SPOCK1: variants seen among roughly 807,000 people sequenced by gnomAD.
The protein encoded by SPOCK1 is testican-1.
SPOCK1 carries 23 observed loss-of-function variants against 55.3 expected under a neutral mutation model. The observed-to-expected ratio is 0.42, with a 90% CI of 0.30 to 0.59. The LOEUF (loss-of-function observed/expected upper bound fraction) is 0.59. Among genes scored for constraint, SPOCK1 ranks in the 20% least tolerant of loss-of-function variants. SPOCK1 has a pLI of 0.22. For synonymous variants in SPOCK1, 226 were observed against 221.0 expected (o/e 1.02, Z -0.20); for missense variants, 499 against 552.5 (o/e 0.90, Z 0.97).
chr5:137,105,032 G>T (rs956599008), intron 5 of SPOCK1, among the ~76,000 whole-genome samples: 2 of 152,124 alleles, frequency 1.3e-5, no homozygotes, highest in Non-Finnish European at 2.9e-5. Flanking sequence ...TGGTCTATCT[G>T]CACAAGACTC....
At chr5:137,463,613 C>G (rs1381400597) in intron 2 of SPOCK1, among the ~76,000 whole-genome samples, 8 of 151,990 alleles carry the variant, frequency 5.3e-5, no homozygotes, top group Non-Finnish European at 8.8e-5. Flanking sequence ...GATAGTATAG[C>G]AGGGGGACTA....
intron 2 of SPOCK1, among the ~76,000 whole-genome samples, chr5:137,462,925 A>G (rs1212392461): frequency 6.6e-6 from 1 of 152,150 alleles, no homozygotes; most frequent in Non-Finnish European, 1.5e-5. Context: ...TAGCTTCAAC[A>G]AGTGCTGATA....
intron 9 of SPOCK1, among the ~76,000 whole-genome samples, chr5:136,984,865 TAGC>T (rs1479055059): frequency 9.2e-5 from 14 of 152,320 alleles, no homozygotes; most frequent in Admixed American, 4.6e-4. Flanking sequence ...AGATTTGTTT[TAGC>T]CTAAGATCAG....
At chr5:137,153,844 C>A (rs796373665) in intron 3 of SPOCK1, among the ~76,000 whole-genome samples, 7 of 148,114 alleles carry the variant, frequency 4.7e-5, no homozygotes, top group South Asian at 2.2e-4. Context: ...GGTGACAGAG[C>A]AAGATTCTGT....
intron 2 of SPOCK1, among the ~76,000 whole-genome samples, chr5:137,378,019 A>G (rs1172511692): frequency 7.4e-6 from 1 of 135,146 alleles, no homozygotes; most frequent in Non-Finnish European, 1.5e-5. Context: ...ATGTTGGCTC[A>G]CCGCAACCTC....
chr5:137,025,623 G>A (rs2126982658), intron 6 of SPOCK1, among the ~76,000 whole-genome samples: 1 of 152,254 alleles, frequency 6.6e-6, no homozygotes, highest in East Asian at 1.9e-4. Context: ...TGAAGTGGTT[G>A]AGGTGGGAGG....
At chr5:137,209,997 T>C (rs1755583021) in intron 3 of SPOCK1, among the ~76,000 whole-genome samples, 1 of 152,226 alleles carries the variant, frequency 6.6e-6, no homozygotes, top group Non-Finnish European at 1.5e-5. Context: ...TTGATATTGA[T>C]TTTTTGTTAC....
chr5:137,368,895 G>A (rs1751135762), intron 2 of SPOCK1, among the ~76,000 whole-genome samples: 1 of 152,218 alleles, frequency 6.6e-6, no homozygotes, highest in African/African-American at 2.4e-5. Context: ...AATCTGCACA[G>A]AGCAGCGGGG....
At chr5:137,124,916 C>A (rs1230924751) in intron 4 of SPOCK1, among the ~76,000 whole-genome samples, 1 of 152,202 alleles carries the variant, frequency 6.6e-6, no homozygotes, top group Non-Finnish European at 1.5e-5. Flanking sequence ...GTTGCTCTTT[C>A]TCAAGAACAG....
intron 2 of SPOCK1, among the ~76,000 whole-genome samples, chr5:137,401,558 CAAAA>C (rs34044799): frequency 2.0e-5 from 2 of 100,454 alleles, no homozygotes; most frequent in East Asian, 2.9e-4. Context: ...CTCATCTCTA[CAAAA>C]AAAAAAAAAA....
intron 6 of SPOCK1, among the ~76,000 whole-genome samples, chr5:137,062,865 C>A (rs143948589): frequency 6.6e-6 from 1 of 152,258 alleles, no homozygotes; most frequent in Non-Finnish European, 1.5e-5. Context: ...TGAGGCTGGA[C>A]TGGCTTTATG....
chr5:137,346,127 G>C (rs1486764071), intron 2 of SPOCK1, among the ~76,000 whole-genome samples: 1 of 152,180 alleles, frequency 6.6e-6, no homozygotes. Flanking sequence ...AGGCAATTCT[G>C]TTAAGGCCTC....
At chr5:137,372,854 A>G (rs570531803) in intron 2 of SPOCK1, among the ~76,000 whole-genome samples, 1 of 152,368 alleles carries the variant, frequency 6.6e-6, no homozygotes, top group East Asian at 1.9e-4. Context: ...ATCTCATCTC[A>G]TAAATCTTCA....
chr5:137,029,393 C>T (rs1038160539), intron 6 of SPOCK1, among the ~76,000 whole-genome samples: 2 of 152,202 alleles, frequency 1.3e-5, no homozygotes, highest in African/African-American at 4.8e-5. Context: ...TAATGATAAA[C>T]TTATATGACT....
chr5:137,114,944 T>C (rs1370304028), intron 4 of SPOCK1, among the ~76,000 whole-genome samples: 1 of 152,204 alleles, frequency 6.6e-6, no homozygotes, highest in Non-Finnish European at 1.5e-5. Context: ...GAAAAAAGCC[T>C]AAGGGAGCTT....
At chr5:137,062,476 C>T (rs1580730975) in intron 6 of SPOCK1, among the ~76,000 whole-genome samples, 1 of 151,340 alleles carries the variant, frequency 6.6e-6, no homozygotes, top group African/African-American at 2.4e-5. Flanking sequence ...ACCTTAAAGC[C>T]TCCACTTTTG....
intron 3 of SPOCK1, among the ~76,000 whole-genome samples, chr5:137,260,085 A>G (rs1252617053): frequency 6.6e-6 from 1 of 152,170 alleles, no homozygotes; most frequent in East Asian, 1.9e-4. Flanking sequence ...TTCAGCAACT[A>G]TCTCATCTAC....
intron 3 of SPOCK1, among the ~76,000 whole-genome samples, chr5:137,235,785 T>A (rs1299362233): frequency 6.6e-6 from 1 of 152,132 alleles, no homozygotes; most frequent in African/African-American, 2.4e-5. Flanking sequence ...TCTGTTAGTG[T>A]GTAAGGATGG....
intron 5 of SPOCK1, among the ~76,000 whole-genome samples, chr5:137,068,421 G>C (rs1475588147): frequency 6.6e-6 from 1 of 152,214 alleles, no homozygotes; most frequent in Non-Finnish European, 1.5e-5. Flanking sequence ...GGTCTAACTA[G>C]CTTGTGACTC....
Sources: gnomAD v4.1 joint callset for allele counts (sites outside exome capture counted in the v4.1 genomes callset) on GRCh38, gnomAD v4.1.1 for gene constraint, MANE v1.5 for transcripts, NCBI Gene and HGNC (gene_info 2026-07-23, HGNC 2026-07-21) for gene names.